Variants in PLEKHM3 observed in about 807,000 individuals in gnomAD.
The protein encoded by PLEKHM3 is pleckstrin homology domain containing M3.
A neutral mutation model predicts 81.8 loss-of-function variants in PLEKHM3; 45 were observed. That is an observed-to-expected ratio of 0.55 (90% confidence interval 0.43 to 0.71). The LOEUF (loss-of-function observed/expected upper bound fraction) is 0.71, where lower values mean the gene tolerates loss of function less well. Among genes scored for constraint, PLEKHM3 ranks in the 30% least tolerant of loss-of-function variants. The probability of loss-of-function intolerance (pLI) is 0.00; values close to 1 mark genes in which losing one functional copy is unlikely to be tolerated. For synonymous variants in PLEKHM3, 352 were observed against 356.4 expected, an observed-to-expected ratio of 0.99 and a Z score of 0.14; for missense variants, 788 against 924.3, an observed-to-expected ratio of 0.85 and a Z score of 1.91.
chr2:207,897,033 C>A (rs570194897), intron 6 of PLEKHM3, among the ~76,000 whole-genome samples: 1 of 152,312 alleles, frequency 6.6e-6, no homozygotes, highest in Non-Finnish European at 1.5e-5. Flanking sequence ...AAGCGCAGGC[C>A]TAGGGAGAGT....
intron 1 of PLEKHM3, among the ~76,000 whole-genome samples, chr2:208,024,066 C>G (rs1241219549): frequency 6.6e-6 from 1 of 151,228 alleles, no homozygotes; most frequent in Non-Finnish European, 1.5e-5. Context: ...TCGCTTGAGT[C>G]CAGGAAGTCG....
chr2:207,940,868 A>G (rs2621475), intron 4 of PLEKHM3, among the ~76,000 whole-genome samples: 49,704 of 152,144 alleles, frequency 0.33, 8,283 homozygotes, highest in Middle Eastern at 0.43. Flanking sequence ...TGGTCACTAA[A>G]CAAGAGAAGG....
chr2:207,849,033 C>T (rs750815453), intron 7 of PLEKHM3, among the ~76,000 whole-genome samples: 1 of 152,138 alleles, frequency 6.6e-6, no homozygotes, highest in East Asian at 1.9e-4. Flanking sequence ...AGAAAATATT[C>T]TTTAAATGTG....
At chr2:207,929,735 T>C (rs1320878029) in intron 5 of PLEKHM3, among the ~76,000 whole-genome samples, 1 of 152,222 alleles carries the variant, frequency 6.6e-6, no homozygotes, top group Non-Finnish European at 1.5e-5. Context: ...GTCTTTTCAT[T>C]ATTATTTTAT....
chr2:207,833,299 G>A (rs1480595209), intron 7 of PLEKHM3, among the ~76,000 whole-genome samples: 1 of 152,084 alleles, frequency 6.6e-6, no homozygotes, highest in Non-Finnish European at 1.5e-5. Context: ...ATGTCCCTTT[G>A]GTGTTCCTGT....
intron 3 of PLEKHM3, among the ~76,000 whole-genome samples, chr2:207,948,598 C>A (rs184370722): frequency 6.8e-6 from 1 of 146,426 alleles, no homozygotes; most frequent in Non-Finnish European, 1.5e-5. Flanking sequence ...GGCTGGAGTG[C>A]GGTGGCGCGA....
chr2:207,929,043 T>C (rs762978563), intron 5 of PLEKHM3, among the ~76,000 whole-genome samples: 2 of 152,222 alleles, frequency 1.3e-5, no homozygotes, highest in Non-Finnish European at 1.5e-5. Flanking sequence ...ACACTTAATA[T>C]ACATCCATCC....
chr2:207,888,702 T>C (rs997854073), intron 6 of PLEKHM3, among the ~76,000 whole-genome samples: 2 of 152,204 alleles, frequency 1.3e-5, no homozygotes, highest in Non-Finnish European at 2.9e-5. Flanking sequence ...CCCTTCACTC[T>C]ACTTCTATTA....
At chr2:207,893,616 G>C (rs1275229238) in intron 6 of PLEKHM3, among the ~76,000 whole-genome samples, 1 of 152,100 alleles carries the variant, frequency 6.6e-6, no homozygotes, top group Non-Finnish European at 1.5e-5. Context: ...ACCAATGGAA[G>C]GGGATAGGAA....
At chr2:207,837,011 C>T (rs949160235) in intron 7 of PLEKHM3, among the ~76,000 whole-genome samples, 5 of 152,272 alleles carry the variant, frequency 3.3e-5, no homozygotes, top group Admixed American at 1.3e-4. Flanking sequence ...TACTATGCAA[C>T]GCCCCCCATA....
chr2:208,018,395 G>GAAA (rs75422528), intron 1 of PLEKHM3, among the ~76,000 whole-genome samples: 1 of 125,960 alleles, frequency 7.9e-6, no homozygotes, highest in Non-Finnish European at 1.7e-5. Flanking sequence ...GAAAAGAAAA[G>GAAA]AAAAAAAAAA....
intron 6 of PLEKHM3, among the ~76,000 whole-genome samples, chr2:207,878,492 C>T (rs917246241): frequency 6.6e-6 from 1 of 152,170 alleles, no homozygotes; most frequent in African/African-American, 2.4e-5. Flanking sequence ...CCTGTAATCC[C>T]AGCTACTGGG....
chr2:207,926,985 A>G (rs1041351887), intron 5 of PLEKHM3, among the ~76,000 whole-genome samples: 2 of 152,216 alleles, frequency 1.3e-5, no homozygotes, highest in African/African-American at 4.8e-5. Flanking sequence ...TATGGTGCTG[A>G]CAGGTCTTCG....
At chr2:207,921,746 T>C (rs955297609) in intron 5 of PLEKHM3, among the ~76,000 whole-genome samples, 4 of 152,260 alleles carry the variant, frequency 2.6e-5, no homozygotes, top group African/African-American at 4.8e-5. Context: ...TGCATATGAA[T>C]GAGAACATGG....
chr2:207,962,299 A>AT (rs1216376267), intron 3 of PLEKHM3, among the ~76,000 whole-genome samples: 2 of 151,930 alleles, frequency 1.3e-5, no homozygotes, highest in African/African-American at 4.8e-5. Flanking sequence ...CCCAGTAAAA[A>AT]CTCAGGACAC....
intron 3 of PLEKHM3, among the ~76,000 whole-genome samples, chr2:207,961,926 C>T (rs1690748959): frequency 6.6e-6 from 1 of 152,174 alleles, no homozygotes; most frequent in Admixed American, 6.5e-5. Flanking sequence ...CTCCTTTCAT[C>T]CAGGTTCCAT....
rs189184368 is a variant in PLEKHM3, at chr2:207,964,709, C to T, written c.1546+11942G>A. On this transcript the variant is annotated intron_variant, in intron 3 of 7. Transcript: ENST00000427836. ...CCTCCTGATCTCACTGCTTTTCAGG[C>T]TTGCTCCATTTTTCACCTGAAAAAA... Among the ~76,000 whole-genome samples, 3 of 152,262 alleles carry T rather than the reference C, an allele frequency of 2.0e-5. No individual in the cohort carries two copies. The East Asian group carries it at 5.8e-4, about 29-fold the overall frequency.
At chr2:207,834,236 T>C (rs2092304908) in intron 7 of PLEKHM3, among the ~76,000 whole-genome samples, 1 of 151,974 alleles carries the variant, frequency 6.6e-6, no homozygotes, top group Non-Finnish European at 1.5e-5. Context: ...TTCAAGTGAT[T>C]CTCCTGCCTC....
intron 3 of PLEKHM3, among the ~76,000 whole-genome samples, chr2:207,968,210 T>C (rs1256800129): frequency 2.0e-5 from 3 of 152,062 alleles, no homozygotes; most frequent in South Asian, 2.1e-4. Context: ...CCTCAGACTA[T>C]AAAGTCCTGG....
Sources: gnomAD v4.1 joint callset for allele counts (sites outside exome capture counted in the v4.1 genomes callset) on GRCh38, gnomAD v4.1.1 for gene constraint, MANE v1.5 for transcripts, NCBI Gene and HGNC (gene_info 2026-07-23, HGNC 2026-07-21) for gene names.